Variants in MAJIN observed in about 807,000 individuals in gnomAD.
MAJIN encodes membrane-anchored junction protein.
MAJIN carries 27 observed loss-of-function variants against 30.2 expected under a neutral mutation model. That is an observed-to-expected ratio of 0.89 (90% CI 0.66 to 1.23). MAJIN has a LOEUF of 1.23. Ranked by LOEUF, MAJIN falls within the 50% of genes most tolerant of loss-of-function variation. The pLI, the probability that MAJIN is intolerant of heterozygous loss-of-function variation, is 0.00. For synonymous variants in MAJIN, 78 were observed against 91.6 expected (o/e 0.85, Z 0.85); for missense variants, 253 against 260.3 (o/e 0.97, Z 0.19).
At position 64,948,604 on chromosome 11, in the gene MAJIN, TATATATATATATATATATATATA is replaced by T. The variant is rs1945489472; in HGVS notation, c.350-808_350-786del. ...ACCACCACCATGTCGGGCTACATCA[TATATATATATATATATATATATA>T]TATATATATATATTTTTTTTTTTTT... On this transcript the variant is annotated intron_variant, in intron 6 of 10. Transcript: ENST00000301896. Among the ~76,000 whole-genome samples the T allele has an allele frequency of 9.8e-4, 21 of 21,488 alleles. 1 individual carries two copies. Among genetic ancestry groups the T allele is most frequent in the Non-Finnish European group, 1.5e-3 (18 of 12,176 alleles). The allele number at this position is 21,488 out of a possible 152,430, so 14.1% of individuals were successfully genotyped here. A position where few individuals can be genotyped will look rare whatever the true frequency, so the allele number is the denominator to read the frequency against.
At chr11:64,948,602 C>CATTCATATATAT (rs1179607088) in intron 6 of MAJIN, among the ~76,000 whole-genome samples, 354 of 19,402 alleles carry the variant, frequency 0.018, 92 homozygotes, top group Non-Finnish European at 0.021. Flanking sequence ...CGGGCTACAT[C>CATTCATATATAT]ATATATATAT....
At chr11:64,946,067 TA>T (rs1414439912) in intron 8 of MAJIN, 1 of 1,525,768 alleles carries the variant, frequency 6.6e-7, no homozygotes, top group Non-Finnish European at 8.8e-7. Context: ...ATTTTAGTAC[TA>T]AGGCTCCATT....
chr11:64,941,005 AT>A (rs1190448320), intron 8 of MAJIN, among the ~76,000 whole-genome samples: 1 of 151,104 alleles, frequency 6.6e-6, no homozygotes, highest in Admixed American at 6.6e-5. Context: ...TGCCCGGCTA[AT>A]TTTTTGTATT....
chr11:64,947,857 A>AT lies in MAJIN; in HGVS notation c.350-39_350-38insA. 5.0e-6 allele frequency: 7 copies of AT among 1,400,146 alleles called. No homozygotes were observed. In the Admixed American group the frequency reaches 6.3e-5, roughly 13 times the overall value. 86.7% of individuals were successfully genotyped at this position (1,400,146 alleles called of 1,614,324 possible). A position where few individuals can be genotyped will look rare whatever the true frequency, so the allele number is the denominator to read the frequency against. On this transcript the variant is annotated intron_variant, in intron 6 of 10. Transcript: ENST00000301896. Reference sequence around the variant, plus strand: ...ATTTGAGTGTCATAATAGATTTAAGACTTTTTTTTTTTTTTTTTTGGAGAT... The same window carrying AT: ...ATTTGAGTGTCATAATAGATTTAAGATCTTTTTTTTTTTTTTTTTTGGAGAT...
At chr11:64,951,364 G>T (rs893746482) in intron 4 of MAJIN, among the ~76,000 whole-genome samples, 4 of 151,956 alleles carry the variant, frequency 2.6e-5, no homozygotes, top group Non-Finnish European at 4.4e-5. Context: ...TAATTAATTT[G>T]GCATCATAAA....
intron 2 of MAJIN, 132 bp from the exon 3 acceptor site, chr11:64,959,554 C>CA: frequency 1.6e-6 from 1 of 638,210 alleles, no homozygotes; most frequent in Admixed American, 2.7e-5. Context: ...GCCTACGTAC[C>CA]AGGATCATCA....
At chr11:64,957,768 C>T (rs536666733) in intron 3 of MAJIN, among the ~76,000 whole-genome samples, 19 of 152,090 alleles carry the variant, frequency 1.2e-4, no homozygotes, top group Non-Finnish European at 2.6e-4. Flanking sequence ...AAGATCTCGG[C>T]TTACTGCAAC....
chr11:64,945,953 G>T, intron 8 of MAJIN: 2 of 821,344 alleles, frequency 2.4e-6, no homozygotes, highest in Middle Eastern at 3.7e-4. Flanking sequence ...TGAAACCCAA[G>T]AATGAGTTCA....
intron 3 of MAJIN, among the ~76,000 whole-genome samples, chr11:64,955,983 G>A (rs778546165): frequency 1.3e-5 from 2 of 152,080 alleles, no homozygotes; most frequent in Non-Finnish European, 2.9e-5. Context: ...CCTGGCCAAC[G>A]TGGTGAAACC....
intron 1 of MAJIN, among the ~76,000 whole-genome samples, chr11:64,962,131 CT>C (rs1342024644): frequency 6.6e-6 from 1 of 152,202 alleles, no homozygotes; most frequent in East Asian, 1.9e-4. Context: ...CGCCCCACCC[CT>C]AACAGAGGGA....
chr11:64,939,529 T>A (rs1441446060), intron 10 of MAJIN, 133 bp downstream of exon 10: 2 of 727,676 alleles, frequency 2.7e-6, no homozygotes, highest in Non-Finnish European at 2.3e-6. Flanking sequence ...CTCATTTCCA[T>A]CATCTATCCT....
At chr11:64,968,959 T>A (rs1176306045) in intron 1 of MAJIN, among the ~76,000 whole-genome samples, 2 of 152,164 alleles carry the variant, frequency 1.3e-5, no homozygotes, top group Non-Finnish European at 2.9e-5. Context: ...GAAGCTTCTG[T>A]AGTCGTCCAG....
At position 64,939,784 on chromosome 11, in the gene MAJIN, C is replaced by A; in HGVS notation, c.547-17G>T. The A allele has an allele frequency of 6.2e-7, 1 of 1,610,604 alleles. No homozygotes were observed. Among genetic ancestry groups the A allele is most frequent in the South Asian group, 1.1e-5 (1 of 90,804 alleles). On this transcript the variant is annotated splice_polypyrimidine_tract_variant and intron_variant, in intron 9 of 10. Transcript: ENST00000301896. The stretch of plus-strand genomic sequence containing the variant: ...ACTCAGAATCTGTAAGGAAAACAAT[C>A]AGGCAGGAGCAAGATGTTTGTCCAT...
At chr11:64,969,538 C>T (rs538829032) in intron 1 of MAJIN, among the ~76,000 whole-genome samples, 4 of 151,844 alleles carry the variant, frequency 2.6e-5, no homozygotes, top group South Asian at 4.2e-4. Context: ...GGAAACAACC[C>T]GGAACAAGAA....
intron 6 of MAJIN, among the ~76,000 whole-genome samples, chr11:64,948,176 A>G (rs1945480590): frequency 6.6e-6 from 1 of 151,840 alleles, no homozygotes; most frequent in South Asian, 2.1e-4. Context: ...TCTGGCTACT[A>G]TTTATTTCTT....
rs1281366622 is a variant in MAJIN, at chr11:64,948,649, T to A, written c.350-830A>T. Among the ~76,000 whole-genome samples, 140 of 45,452 alleles carry A rather than the reference T, an allele frequency of 3.1e-3. 2 individuals are homozygous for A. Among genetic ancestry groups the A allele is most frequent in the African/African-American group, 6.9e-3 (62 of 8,960 alleles). The allele number at this position is 45,452 out of a possible 152,430, so 29.8% of individuals were successfully genotyped here. On this transcript the variant is annotated intron_variant, in intron 6 of 10. Coordinates refer to ENST00000301896, the MANE Select transcript of MAJIN (RefSeq NM_001037225.3). ...TATATATATATATATATTTTTTTTT[T>A]TTTTTTTTTTTTTTTTTTTTTTTTT...
chr11:64,942,058 A>G lies in MAJIN; in HGVS notation c.474-1412T>C, dbSNP rs949664379. On this transcript the variant is annotated intron_variant, in intron 8 of 10. Coordinates refer to ENST00000301896, the MANE Select transcript of MAJIN (RefSeq NM_001037225.3). ...AGAGGACATTTTACAACCTGATTCC[A>G]GGCCCACAACATTTTCCAGTAAACA... is the stretch of plus-strand genomic sequence containing the variant. 3.3e-5 allele frequency among the ~76,000 whole-genome samples: 5 copies of G among 152,318 alleles called. No homozygotes were observed. In the South Asian group the frequency reaches 1.0e-3, roughly 32 times the overall value.
chr11:64,952,812 C>A (rs2136768043), intron 4 of MAJIN, among the ~76,000 whole-genome samples: 1 of 152,308 alleles, frequency 6.6e-6, no homozygotes, highest in East Asian at 1.9e-4. Context: ...TCAAGCAATT[C>A]TCCTGCCTCA....
rs761296115 is a variant in MAJIN at position 64,954,812 on chromosome 11, A to G, written c.102-10T>C. 4.4e-6 allele frequency: 7 copies of G among 1,604,744 alleles called. No homozygotes were observed. The highest frequency in any genetic ancestry group is 6.0e-6 in the Non-Finnish European group (7 of 1,176,242). On this transcript the variant is annotated splice_polypyrimidine_tract_variant and intron_variant, in intron 3 of 10. Transcript: ENST00000301896. ...TTCTATCTCTTCTCCTCTAGAAGGT[A>G]AACAGACAAGAGACAAGTAAGACAT...
Sources: allele counts gnomAD v4.1 joint callset (sites outside exome capture counted in the v4.1 genomes callset), GRCh38; gene constraint gnomAD v4.1.1; transcripts MANE v1.5; gene names NCBI Gene and HGNC (gene_info 2026-07-23, HGNC 2026-07-21).